Variants in PCDH9 observed in about 807,000 individuals in gnomAD.
PCDH9 encodes the protein protocadherin 9, also known as protocadherin-9.
PCDH9 carries 24 observed loss-of-function variants against 70.6 expected under a neutral mutation model. That is an observed-to-expected ratio of 0.34 (90% CI 0.25 to 0.48). The LOEUF (loss-of-function observed/expected upper bound fraction) is 0.48. PCDH9 is among the 20% of genes least tolerant of loss of function. PCDH9 has a pLI of 0.99. For missense variants in PCDH9, 1,281 were observed against 1,503.6 expected (o/e 0.85, Z 2.45); for synonymous variants, 562 against 558.5 (o/e 1.01, Z -0.09).
intron 3 of PCDH9, among the ~76,000 whole-genome samples, chr13:66,657,720 A>G (rs1164629937): frequency 6.6e-6 from 1 of 152,186 alleles, no homozygotes; most frequent in African/African-American, 2.4e-5. Flanking sequence ...CCTCCTGCCA[A>G]TGGAGCAGGG....
chr13:66,849,517 T>TAGAGAGAGAGAGAGAGAGAGAG lies in PCDH9; in HGVS notation c.3138+53965_3138+53986dup, dbSNP rs58589562. On this transcript the variant is annotated intron_variant, in intron 3 of 4. Coordinates refer to ENST00000377865, the MANE Select transcript of PCDH9 (RefSeq NM_203487.3). ...ATATATATATATATATATATATATA[T>TAGAGAGAGAGAGAGAGAGAGAG]AGAGAGAGAGAGAGAGAGAGAGAGA... 2.0e-4 allele frequency among the ~76,000 whole-genome samples: 13 copies of TAGAGAGAGAGAGAGAGAGAGAG among 63,572 alleles called. 1 individual carries two copies. The highest frequency in any genetic ancestry group is 1.0e-3 in the African/African-American group (12 of 12,058). 41.7% of individuals were successfully genotyped at this position (63,572 alleles called of 152,430 possible). A position where few individuals can be genotyped will look rare whatever the true frequency, so the allele number is the denominator to read the frequency against.
At chr13:66,955,766 T>C (rs2083257062) in intron 2 of PCDH9, among the ~76,000 whole-genome samples, 2 of 152,282 alleles carry the variant, frequency 1.3e-5, no homozygotes, top group Admixed American at 1.3e-4. Context: ...AAATTGCGTT[T>C]GTTATGGGAA....
chr13:66,521,677 CAT>C (rs1770426073), intron 4 of PCDH9, among the ~76,000 whole-genome samples: 1 of 152,082 alleles, frequency 6.6e-6, no homozygotes, highest in Admixed American at 6.6e-5. Flanking sequence ...TTTAACAAAA[CAT>C]GTGATTCAAT....
At chr13:66,455,210 A>G (rs1490933045) in intron 4 of PCDH9, among the ~76,000 whole-genome samples, 1 of 151,814 alleles carries the variant, frequency 6.6e-6, no homozygotes, top group Non-Finnish European at 1.5e-5. Flanking sequence ...ATCTCAGCCT[A>G]CAGCATCATT....
chr13:66,969,943 T>A (rs2083491162), intron 2 of PCDH9, among the ~76,000 whole-genome samples: 1 of 152,026 alleles, frequency 6.6e-6, no homozygotes, highest in Admixed American at 6.6e-5. Flanking sequence ...TAATAACAAC[T>A]ATATTTTAGT....
At chr13:67,160,397 A>T (rs2087923353) in intron 2 of PCDH9, among the ~76,000 whole-genome samples, 1 of 152,018 alleles carries the variant, frequency 6.6e-6, no homozygotes. Flanking sequence ...TACAAAAAAA[A>T]TTAGCCGGGC....
At chr13:66,751,690 CT>C (rs1017762216) in intron 3 of PCDH9, among the ~76,000 whole-genome samples, 17 of 152,194 alleles carry the variant, frequency 1.1e-4, no homozygotes, top group South Asian at 2.1e-4. Context: ...AAGGTAGCCA[CT>C]TATGTGCCCC....
In PCDH9 at chr13:67,224,728, T is replaced by C. The variant is rs12586130; in HGVS notation, c.3036+677A>G. The C allele has an allele frequency of 1.4e-5, 10 of 719,212 alleles. No individual in the cohort carries two copies. In the East Asian group the frequency reaches 1.1e-3, roughly 81 times the overall value. 44.6% of individuals were successfully genotyped at this position (719,212 alleles called of 1,614,324 possible). On this transcript the variant is annotated intron_variant, in intron 2 of 4. Transcript: ENST00000377865. ...AATCAGTTATATTAGGCAGCAAGCATTCTTTTTTTTTTTTTTTTTGAAAGA... is the reference window on the plus strand; with the variant it reads ...AATCAGTTATATTAGGCAGCAAGCACTCTTTTTTTTTTTTTTTTTGAAAGA...
intron 4 of PCDH9, among the ~76,000 whole-genome samples, chr13:66,328,511 T>C (rs1459115694): frequency 6.6e-6 from 1 of 152,236 alleles, no homozygotes; most frequent in East Asian, 1.9e-4. Flanking sequence ...AAGGTGGTAT[T>C]ATGATCTAGC....
Position 66,973,730 on chromosome 13 carries a change from C to A in PCDH9, c.3037-70125G>T, listed in dbSNP as rs540567788. On this transcript the variant is annotated intron_variant, in intron 2 of 4. Transcript: ENST00000377865. Reference sequence around the variant, plus strand: ...AGTTTAAATAACTGATTTCAAATAACCTTTACATTTTCAATTTTTTGTATT... The same window carrying A: ...AGTTTAAATAACTGATTTCAAATAAACTTTACATTTTCAATTTTTTGTATT... 1.4e-4 allele frequency among the ~76,000 whole-genome samples: 21 copies of A among 152,024 alleles called. 1 individual carries two copies. The South Asian group carries it at 4.3e-3, about 31-fold the overall frequency.
rs187396435 is a variant in PCDH9 at position 66,429,247 on chromosome 13, C to G, written c.3341-124219G>C. ...TAAAGAATGACATGTCTGAGAAAAG[C>G]AAGAGAGATTAATAAGAATGTACCC... On this transcript the variant is annotated intron_variant, in intron 4 of 4. Transcript: ENST00000377865. Among the ~76,000 whole-genome samples the G allele has an allele frequency of 4.0e-3, 604 of 151,466 alleles. 7 individuals are homozygous for G. The highest frequency in any genetic ancestry group is 0.014 in the African/African-American group (577 of 41,318).
intron 4 of PCDH9, among the ~76,000 whole-genome samples, chr13:66,480,929 G>C (rs150300525): frequency 6.6e-6 from 1 of 152,250 alleles, no homozygotes; most frequent in Non-Finnish European, 1.5e-5. Context: ...ATCAATGATA[G>C]ACTGGATAAA....
chr13:66,344,858 A>G (rs1956188737), intron 4 of PCDH9, among the ~76,000 whole-genome samples: 1 of 152,246 alleles, frequency 6.6e-6, no homozygotes. Context: ...AGACTGACAC[A>G]GGACTGCTGA....
intron 4 of PCDH9, among the ~76,000 whole-genome samples, chr13:66,458,346 C>A (rs1470172628): frequency 6.6e-6 from 1 of 152,042 alleles, no homozygotes; most frequent in African/African-American, 2.4e-5. Context: ...AACCAACAAT[C>A]TATTTTCAAA....
intron 2 of PCDH9, among the ~76,000 whole-genome samples, chr13:67,058,540 G>C (rs1490939589): frequency 6.6e-6 from 1 of 152,028 alleles, no homozygotes; most frequent in East Asian, 1.9e-4. Flanking sequence ...AGCTGTAATT[G>C]AACTTATAAC....
chr13:66,964,195 C>G (rs1028786062), intron 2 of PCDH9, among the ~76,000 whole-genome samples: 3 of 151,876 alleles, frequency 2.0e-5, no homozygotes, highest in South Asian at 2.1e-4. Flanking sequence ...ATATTATTCT[C>G]TATAACTTTC....
chr13:67,018,617 A>C (rs112751701), intron 2 of PCDH9, among the ~76,000 whole-genome samples: 121 of 71,108 alleles, frequency 1.7e-3, no homozygotes, highest in South Asian at 4.4e-3. Flanking sequence ...GACTCGTCTC[A>C]AAAAAAAAAA....
At chr13:66,682,595 C>G (rs957535355) in intron 3 of PCDH9, among the ~76,000 whole-genome samples, 4 of 151,874 alleles carry the variant, frequency 2.6e-5, no homozygotes. Flanking sequence ...GTGTTGGTCT[C>G]CTGGCTATTG....
chr13:66,579,951 G>C (rs1188896519), intron 4 of PCDH9, among the ~76,000 whole-genome samples: 1 of 151,994 alleles, frequency 6.6e-6, no homozygotes, highest in Admixed American at 6.6e-5. Context: ...AATATTTTCA[G>C]AGTCAAAATT....
Sources: allele counts gnomAD v4.1 joint callset (sites outside exome capture counted in the v4.1 genomes callset), GRCh38; gene constraint gnomAD v4.1.1; transcripts MANE v1.5; gene names NCBI Gene and HGNC (gene_info 2026-07-23, HGNC 2026-07-21).